The following HHAT variants were observed in gnomAD, a reference collection of about 807,000 sequenced individuals.
HHAT encodes protein-cysteine N-palmitoyltransferase HHAT.
Under a neutral mutation model 70.8 loss-of-function variants are expected in HHAT, and 47 were observed. The ratio of observed to expected loss-of-function variants is 0.66; its 90% CI spans 0.53 to 0.85. HHAT has a LOEUF of 0.85. Ranked by LOEUF, HHAT falls within the 40% of genes least tolerant of loss-of-function variation. The pLI is 0.00. For missense variants in HHAT, 609 were observed against 604.8 expected, an observed-to-expected ratio of 1.01 and a Z score of -0.07; for synonymous variants, 228 against 247.6, an observed-to-expected ratio of 0.92 and a Z score of 0.74.
intron 10 of HHAT, among the ~76,000 whole-genome samples, chr1:210,613,688 T>C (rs1356388211): frequency 1.3e-5 from 2 of 152,324 alleles, no homozygotes; most frequent in East Asian, 3.9e-4. Flanking sequence ...TTATACTGGA[T>C]CTGTGGATCA....
chr1:210,541,420 G>A (rs1407774672), intron 9 of HHAT, among the ~76,000 whole-genome samples: 1 of 152,118 alleles, frequency 6.6e-6, no homozygotes, highest in African/African-American at 2.4e-5. Flanking sequence ...CAGACATAAA[G>A]CTTGACTGCT....
intron 3 of HHAT, 140 bp from the exon 4 acceptor site, chr1:210,387,328 G>A: frequency 1.5e-6 from 1 of 676,628 alleles, no homozygotes; most frequent in Non-Finnish European, 2.6e-6. Context: ...GGTGGGTGGG[G>A]AAAGGCTAGA....
intron 10 of HHAT, among the ~76,000 whole-genome samples, chr1:210,603,826 C>A (rs1422936936): frequency 6.6e-6 from 1 of 152,164 alleles, no homozygotes; most frequent in Admixed American, 6.5e-5. Context: ...GCCTTTCGAG[C>A]AGCTGCTGGC....
chr1:210,353,701 T>A (rs1045549993), intron 2 of HHAT, among the ~76,000 whole-genome samples: 2 of 152,110 alleles, frequency 1.3e-5, no homozygotes, highest in Non-Finnish European at 2.9e-5. Context: ...TCATTTCCTC[T>A]TTCCACTTCT....
rs537762410 is a variant in HHAT at position 210,547,201 on chromosome 1, C to G, written c.1043+34013C>G. Among the ~76,000 whole-genome samples, 14 of 151,808 alleles carry G rather than the reference C, an allele frequency of 9.2e-5. No homozygotes were observed. The East Asian group carries it at 2.8e-3, about 30-fold the overall frequency. ...AAAATTATCTGGGTGTGGTGGCGAGCGCCTGTAATCCCAGCTACTCAGGAG... is the reference window on the plus strand; with the variant it reads ...AAAATTATCTGGGTGTGGTGGCGAGGGCCTGTAATCCCAGCTACTCAGGAG... On this transcript the variant is annotated intron_variant, in intron 9 of 11. Transcript: ENST00000261458.
At chr1:210,384,726 G>A (rs2090910371) in intron 3 of HHAT, among the ~76,000 whole-genome samples, 1 of 152,126 alleles carries the variant, frequency 6.6e-6, no homozygotes, top group Admixed American at 6.5e-5. Flanking sequence ...AACCATGGAG[G>A]CAAGAAAGAA....
At chr1:210,365,773 G>A (rs148495622) in intron 3 of HHAT, among the ~76,000 whole-genome samples, 25,536 of 150,414 alleles carry the variant, frequency 0.17, 2,446 homozygotes, top group Admixed American at 0.26. Flanking sequence ...ACACCACCAC[G>A]CCTGGCCAAT....
intron 10 of HHAT, among the ~76,000 whole-genome samples, chr1:210,600,744 G>C (rs972465366): frequency 6.6e-6 from 1 of 152,064 alleles, no homozygotes; most frequent in Non-Finnish European, 1.5e-5. Context: ...TTTAATCAGA[G>C]GAAACATTTT....
intron 11 of HHAT, among the ~76,000 whole-genome samples, chr1:210,662,274 A>G (rs1335707226): frequency 6.6e-6 from 1 of 152,174 alleles, no homozygotes; most frequent in Non-Finnish European, 1.5e-5. Flanking sequence ...CAGACTGCCT[A>G]TGGCAAGAAT....
chr1:210,418,424 C>T (rs1421616790), intron 7 of HHAT, 99 bp downstream of exon 7: 4 of 1,038,204 alleles, frequency 3.9e-6, no homozygotes, highest in Non-Finnish European at 5.6e-6. Context: ...GTGCAGGTGC[C>T]TATAGCAAAC....
At chr1:210,572,443 T>G (rs376565828) in intron 9 of HHAT, among the ~76,000 whole-genome samples, 30 of 152,192 alleles carry the variant, frequency 2.0e-4, no homozygotes, top group African/African-American at 7.2e-4. Context: ...TTCTCCCACT[T>G]TTATCCCTTT....
intron 9 of HHAT, among the ~76,000 whole-genome samples, chr1:210,523,166 C>A (rs1329329564): frequency 6.6e-6 from 1 of 152,122 alleles, no homozygotes. Context: ...CTTTATACAA[C>A]CCCGTGTCCT....
At chr1:210,419,081 G>A (rs973964212) in intron 7 of HHAT, among the ~76,000 whole-genome samples, 2 of 152,128 alleles carry the variant, frequency 1.3e-5, no homozygotes, top group Non-Finnish European at 2.9e-5. Context: ...TTGAGTTTCA[G>A]CTTCACCAAT....
chr1:210,411,770 G>A lies in HHAT; in HGVS notation c.685-6384G>A, dbSNP rs1331511993. On this transcript the variant is annotated intron_variant, in intron 6 of 11. Transcript: ENST00000261458. ...CATAAAGAAAAGAGTCTGGGTGCCA[G>A]GAAAGACCTGTCCATTGGTCTAGAG... Among the ~76,000 whole-genome samples the A allele has an allele frequency of 3.3e-5, 5 of 152,214 alleles. No homozygotes were observed. In the East Asian group the frequency reaches 9.7e-4, roughly 30 times the overall value.
At chr1:210,556,639 C>T (rs1045738723) in intron 9 of HHAT, among the ~76,000 whole-genome samples, 2 of 152,164 alleles carry the variant, frequency 1.3e-5, no homozygotes, top group African/African-American at 4.8e-5. Context: ...GATATGACAG[C>T]TTCACTCTCT....
chr1:210,463,234 A>G (rs2094017756), intron 7 of HHAT, among the ~76,000 whole-genome samples: 1 of 151,524 alleles, frequency 6.6e-6, no homozygotes, highest in South Asian at 2.1e-4. Flanking sequence ...CTTTTAGTAT[A>G]TCTACAGATA....
At chr1:210,531,297 A>T (rs1008324885) in intron 9 of HHAT, among the ~76,000 whole-genome samples, 1 of 152,234 alleles carries the variant, frequency 6.6e-6, no homozygotes, top group African/African-American at 2.4e-5. Context: ...TATGGTAATT[A>T]AAGTGTGAGT....
At chr1:210,597,461 A>G (rs367793151) in intron 10 of HHAT, among the ~76,000 whole-genome samples, 1 of 84,184 alleles carries the variant, frequency 1.2e-5, no homozygotes, top group African/African-American at 2.8e-5. Flanking sequence ...GATGCCATCC[A>G]GGAGCCAGGT....
At chr1:210,331,319 A>G (rs1193685732) in intron 1 of HHAT, among the ~76,000 whole-genome samples, 1 of 151,934 alleles carries the variant, frequency 6.6e-6, no homozygotes, top group Non-Finnish European at 1.5e-5. Context: ...TCATAGTCTC[A>G]TTTTGGTTGC....
Sources: allele counts gnomAD v4.1 joint callset (sites outside exome capture counted in the v4.1 genomes callset), GRCh38; gene constraint gnomAD v4.1.1; transcripts MANE v1.5; gene names NCBI Gene and HGNC (gene_info 2026-07-23, HGNC 2026-07-21).